KIAA1549: variants seen among roughly 807,000 people sequenced by gnomAD.
KIAA1549 encodes the protein KIAA1549.
A neutral mutation model predicts 156.4 loss-of-function variants in KIAA1549; 70 were observed. The ratio of observed to expected loss-of-function variants is 0.45; its 90% CI spans 0.37 to 0.55. The LOEUF (loss-of-function observed/expected upper bound fraction) is 0.55, where lower values mean the gene tolerates loss of function less well. Ranked by LOEUF, KIAA1549 falls within the 20% of genes least tolerant of loss-of-function variation. The pLI, the probability that KIAA1549 is intolerant of heterozygous loss-of-function variation, is 0.00. For synonymous variants in KIAA1549, 1,103 were observed against 1,066.4 expected, an observed-to-expected ratio of 1.03 and a Z score of -0.67; for missense variants, 2,428 against 2,540.9, an observed-to-expected ratio of 0.96 and a Z score of 0.96.
chr7:138,837,919 T>C lies in KIAA1549; in HGVS notation c.5840A>G (p.Asn1947Ser), dbSNP rs1563042810. Residue 1947 changes from asparagine to serine, a missense_variant, in exon 20 of 20, where the codon AAC becomes AGC. Asn to Ser is a conservative substitution (Grantham distance 46). Coordinates refer to ENST00000422774, the MANE Select transcript of KIAA1549 (RefSeq NM_001164665.2). ...AGGCGAGGCCGATCAGCTGTGGAAG[T>C]TCTGCACGGTGCTCTGTTTCTGGGA... ...RLSQKQSTVQ[N>S]FHS 3 of 1,613,616 alleles carry C rather than the reference T, an allele frequency of 1.9e-6. No individual in the cohort carries two copies. The highest frequency in any genetic ancestry group is 1.3e-5 in the African/African-American group (1 of 74,930).
chr7:138,970,689 G>A (rs1042126287), intron 1 of KIAA1549, among the ~76,000 whole-genome samples: 4 of 152,142 alleles, frequency 2.6e-5, no homozygotes, highest in South Asian at 2.1e-4. Flanking sequence ...CTGCTGATCC[G>A]GGGACCACAC....
At chr7:138,968,573 C>T (rs1479695480) in intron 1 of KIAA1549, among the ~76,000 whole-genome samples, 1 of 151,428 alleles carries the variant, frequency 6.6e-6, no homozygotes, top group Non-Finnish European at 1.5e-5. Flanking sequence ...CAAGGCCAGG[C>T]GTGGTGGCTC....
intron 1 of KIAA1549, among the ~76,000 whole-genome samples, chr7:138,950,711 C>G (rs1584779137): frequency 6.6e-6 from 1 of 152,330 alleles, no homozygotes; most frequent in South Asian, 2.1e-4. Context: ...CCGAGGCCCG[C>G]CAGCTCTGGC....
At chr7:138,886,106 C>T (rs1213999880) in intron 10 of KIAA1549, among the ~76,000 whole-genome samples, 1 of 152,118 alleles carries the variant, frequency 6.6e-6, no homozygotes, top group Non-Finnish European at 1.5e-5. Context: ...AGTTTTTCCA[C>T]TCACACACAC....
In KIAA1549 at chr7:138,837,575, A is replaced by G; in HGVS notation, c.*331T>C. The G allele has an allele frequency of 2.1e-6, 1 of 482,132 alleles. No homozygotes were observed. The highest frequency in any genetic ancestry group is 3.6e-6 in the Non-Finnish European group (1 of 275,278). The allele number at this position is 482,132 out of a possible 1,614,324, so 29.9% of individuals were successfully genotyped here. A position where few individuals can be genotyped will look rare whatever the true frequency, so the allele number is the denominator to read the frequency against. The stretch of plus-strand genomic sequence containing the variant: ...GGTTCCTTTCATCCCTATGCTGTCT[A>G]TACAGTTTAATCTCTACCTTTAAAA... On this transcript the variant is annotated 3_prime_UTR_variant, in exon 20 of 20. Transcript: ENST00000422774.
At position 138,963,427 on chromosome 7, in the gene KIAA1549, G is replaced by A. The variant is rs150225134; in HGVS notation, c.187+17656C>T. On this transcript the variant is annotated intron_variant, in intron 1 of 19. Transcript: ENST00000422774. ...TACAGGTATATCTTGTTTTCCTCTC[G>A]GGGAACTGAACACAATTGGAAGAGG... Among the ~76,000 whole-genome samples, 254 of 152,274 alleles carry A rather than the reference G, an allele frequency of 1.7e-3. 2 individuals carry two copies. Among genetic ancestry groups the A allele is most frequent in the African/African-American group, 5.9e-3 (244 of 41,548 alleles).
intron 1 of KIAA1549, among the ~76,000 whole-genome samples, chr7:138,967,696 G>T (rs974915170): frequency 2.0e-5 from 3 of 150,210 alleles, no homozygotes; most frequent in African/African-American, 7.3e-5. Context: ...CTGTCCAGGA[G>T]AAAAAAAAAC....
chr7:138,887,845 T>C lies in KIAA1549; in HGVS notation c.4033-6261A>G, dbSNP rs1811441800. Among the ~76,000 whole-genome samples, 2 of 152,178 alleles carry C rather than the reference T, an allele frequency of 1.3e-5. 1 individual carries two copies. The highest frequency in any genetic ancestry group is 4.1e-4 in the South Asian group (2 of 4,826). On this transcript the variant is annotated intron_variant, in intron 10 of 19. Coordinates refer to ENST00000422774, the MANE Select transcript of KIAA1549 (RefSeq NM_001164665.2). ...GTTGGGAAACTGTGAACTTAGATATTCTGTAGAGGAGGTGGCAGCAGCAGC... is the reference window on the plus strand; with the variant it reads ...GTTGGGAAACTGTGAACTTAGATATCCTGTAGAGGAGGTGGCAGCAGCAGC...
At chr7:138,920,145 T>C (rs1470813015) in intron 1 of KIAA1549, among the ~76,000 whole-genome samples, 16 of 63,604 alleles carry the variant, frequency 2.5e-4, no homozygotes, top group African/African-American at 1.1e-3. Flanking sequence ...GCTGTGCACA[T>C]TCTCACCCCC....
chr7:138,970,886 C>T (rs1223367397), intron 1 of KIAA1549, among the ~76,000 whole-genome samples: 1 of 152,210 alleles, frequency 6.6e-6, no homozygotes, highest in Non-Finnish European at 1.5e-5. Flanking sequence ...TCCGGCTCCA[C>T]AATTAATCCT....
At position 138,871,176 on chromosome 7, in the gene KIAA1549, C is replaced by A. The variant is rs61744110; in HGVS notation, c.4532G>T (p.Ser1511Ile). 2.5e-6 allele frequency: 4 copies of A among 1,612,458 alleles called. No homozygotes were observed. In the African/African-American group the frequency reaches 5.3e-5, roughly 22 times the overall value. Residue 1511 changes from serine to isoleucine, a missense_variant, in exon 13 of 20, where the codon AGC becomes ATC. By Grantham distance (142) the Ser-to-Ile change is moderately radical. Coordinates refer to ENST00000422774, the MANE Select transcript of KIAA1549 (RefSeq NM_001164665.2). ...RPSPADRVAE[S>I]NKINKEIQTA... is the part of the protein sequence containing the mutation. ...AAATACCTCTTTGTTGATTTTATTGCTTTCCGCCACTCGGTCGGCTGGGGA... is the reference window on the plus strand; with the variant it reads ...AAATACCTCTTTGTTGATTTTATTGATTTCCGCCACTCGGTCGGCTGGGGA...
rs1445097652 is a variant in KIAA1549, at chr7:138,917,695, G to A, written c.1931C>T (p.Ala644Val). The A allele has an allele frequency of 1.9e-6, 3 of 1,605,658 alleles. No individual in the cohort carries two copies. In the East Asian group the frequency reaches 6.7e-5, roughly 36 times the overall value. ...LSGSISSPSE[A>V]PASLSLMPSD... ...CGGCATCAGAGACAGAGACGCAGGTGCTTCCGAAGGCGAAGAGATGGAGCC... is the reference window on the plus strand; with the variant it reads ...CGGCATCAGAGACAGAGACGCAGGTACTTCCGAAGGCGAAGAGATGGAGCC... The change falls in exon 2 of 20, where the codon GCA becomes GTA. Residue 644 changes from alanine (A) to valine (V), a missense_variant. By Grantham distance (64) the Ala-to-Val change is moderately conservative. Transcript: ENST00000422774.
At chr7:138,850,814 C>T (rs904029615) in intron 17 of KIAA1549, among the ~76,000 whole-genome samples, 2 of 152,094 alleles carry the variant, frequency 1.3e-5, no homozygotes, top group Non-Finnish European at 2.9e-5. Flanking sequence ...GGATGTCTTC[C>T]AAGGTTTTTA....
chr7:138,914,244 G>A (rs1341112246), intron 2 of KIAA1549, among the ~76,000 whole-genome samples: 1 of 152,198 alleles, frequency 6.6e-6, no homozygotes, highest in Admixed American at 6.5e-5. Context: ...CAGAGAATCT[G>A]AGAAAGCTAT....
chr7:138,960,302 G>C (rs62488861), intron 1 of KIAA1549, among the ~76,000 whole-genome samples: 2 of 91,058 alleles, frequency 2.2e-5, no homozygotes, highest in African/African-American at 9.4e-5. Context: ...TTGATTTATT[G>C]ATTTATTTAT....
intron 15 of KIAA1549, among the ~76,000 whole-genome samples, chr7:138,866,349 T>C: frequency 6.6e-6 from 1 of 152,262 alleles, no homozygotes; most frequent in South Asian, 2.1e-4. Context: ...TAATTATATT[T>C]AGCCTATTTA....
rs1346878118 is a variant in KIAA1549, at chr7:138,918,526, G to T, written c.1100C>A (p.Ala367Glu). 1 of 1,614,050 alleles carries T rather than the reference G, an allele frequency of 6.2e-7. No individual in the cohort carries two copies. Among genetic ancestry groups the T allele is most frequent in the South Asian group, 1.1e-5 (1 of 91,086 alleles). Residue 367 changes from alanine to glutamate, a missense_variant, in exon 2 of 20, where the codon GCA becomes GAA. Physicochemically the swap from Ala to Glu is moderately radical, Grantham distance 107. Transcript: ENST00000422774. This position sits in a 1 kb window ranked among gnomAD's most constrained non-coding sequence, Gnocchi z 4.2. ...THSPLLSTPL[A>E]FASSASPTDV... is the part of the protein sequence containing the mutation. ...AGTTGGTGAAGCAGAGGACGCAAATGCAAGAGGAGTTGAAAGCAATGGAGA... is the reference window on the plus strand; with the variant it reads ...AGTTGGTGAAGCAGAGGACGCAAATTCAAGAGGAGTTGAAAGCAATGGAGA...
At chr7:138,911,412 G>C (rs1441583098) in intron 3 of KIAA1549, 89 bp from the exon 4 acceptor site, 9 of 1,028,748 alleles carry the variant, frequency 8.7e-6, no homozygotes, top group Non-Finnish European at 1.1e-5. Flanking sequence ...AAAAAAACTG[G>C]TAGTTTTGAA....
Position 138,836,809 on chromosome 7 carries a change from C to G in KIAA1549, c.*1097G>C, listed in dbSNP as rs1267093139. 8.9e-6 allele frequency: 2 copies of G among 224,476 alleles called. No homozygotes were observed. The highest frequency in any genetic ancestry group is 4.5e-5 in the African/African-American group (2 of 44,858). The allele number at this position is 224,476 out of a possible 1,614,324, so 13.9% of individuals were successfully genotyped here. ...CTCTTTTACATTTCTTGATTCATTA[C>G]AGAGAGGCTGAACTGAACTCAATTT... On this transcript the variant is annotated 3_prime_UTR_variant, in exon 20 of 20. Transcript: ENST00000422774.
Sources: gnomAD v4.1 joint callset for allele counts (sites outside exome capture counted in the v4.1 genomes callset) on GRCh38, gnomAD v4.1.1 for gene constraint, Gnocchi (gnomAD v3.1) non-coding constraint, MANE v1.5 for transcripts, NCBI Gene and HGNC (gene_info 2026-07-23, HGNC 2026-07-21) for gene names.